The following DGKB variants were observed in gnomAD, a reference collection of about 807,000 sequenced individuals.
DGKB encodes the protein 90 kDa diacylglycerol kinase.
In DGKB, 67 loss-of-function variants were observed where a neutral mutation model predicts 114.3. That is an observed-to-expected ratio of 0.59 (90% CI 0.48 to 0.72). The LOEUF is 0.72. DGKB is among the 30% of genes least tolerant of loss of function. The pLI, the probability that DGKB is intolerant of heterozygous loss-of-function variation, is 0.00. For missense variants in DGKB, 907 were observed against 975.2 expected, an observed-to-expected ratio of 0.93 and a Z score of 0.93; for synonymous variants, 398 against 323.1, an observed-to-expected ratio of 1.23 and a Z score of -2.49.
At chr7:14,226,337 G>T (rs1423281314) in intron 23 of DGKB, among the ~76,000 whole-genome samples, 1 of 151,872 alleles carries the variant, frequency 6.6e-6, no homozygotes, top group Non-Finnish European at 1.5e-5. Context: ...TCTGGCATGT[G>T]CGTGCTAAGA....
intron 13 of DGKB, among the ~76,000 whole-genome samples, chr7:14,665,630 T>G (rs1817900051): frequency 6.6e-6 from 1 of 151,980 alleles, no homozygotes; most frequent in Admixed American, 6.6e-5. Flanking sequence ...TTTGTGATAA[T>G]CTGCTTGATT....
At position 14,147,378 on chromosome 7, in the gene DGKB, C is replaced by A. The variant is rs972063250; in HGVS notation, c.*1753G>T. The A allele has an allele frequency of 4.6e-5, 7 of 152,144 alleles. No homozygotes were observed. The highest frequency in any genetic ancestry group is 1.7e-4 in the African/African-American group (7 of 41,436). 9.4% of individuals were successfully genotyped at this position (152,144 alleles called of 1,614,324 possible). A position where few individuals can be genotyped will look rare whatever the true frequency, so the allele number is the denominator to read the frequency against. On this transcript the variant is annotated 3_prime_UTR_variant, in exon 26 of 26. Transcript: ENST00000402815. ...CTTATTGTTGATTGATATTTACCGT[C>A]CAATGTTCCAGGAACACTAAAAGAA...
intron 22 of DGKB, among the ~76,000 whole-genome samples, chr7:14,339,096 C>T (rs183254690): frequency 3.3e-5 from 5 of 151,986 alleles, no homozygotes; most frequent in African/African-American, 9.6e-5. Flanking sequence ...ATGATTGCCC[C>T]TGTTTAGAAC....
chr7:14,178,421 A>C (rs904224384), intron 23 of DGKB, among the ~76,000 whole-genome samples: 2 of 152,074 alleles, frequency 1.3e-5, no homozygotes, highest in Non-Finnish European at 2.9e-5. Flanking sequence ...AAAAAAAAAA[A>C]AAAAAAACCC....
intron 1 of DGKB, among the ~76,000 whole-genome samples, chr7:14,868,510 A>G (rs1851999786): frequency 1.3e-5 from 2 of 151,736 alleles, no homozygotes; most frequent in African/African-American, 2.4e-5. Flanking sequence ...AATTTTGTGT[A>G]TCTTCAGTAG....
At chr7:14,631,111 G>A (rs966512938) in intron 13 of DGKB, among the ~76,000 whole-genome samples, 1 of 151,556 alleles carries the variant, frequency 6.6e-6, no homozygotes, top group Non-Finnish European at 1.5e-5. Flanking sequence ...AAAAGAAGGA[G>A]GTAGTCAGAA....
Position 14,379,800 on chromosome 7 carries a change from T to G in DGKB, c.1836-34409A>C, listed in dbSNP as rs568539266. On this transcript the variant is annotated intron_variant, in intron 21 of 25. Transcript: ENST00000402815. ...GTCTTGATCTCCTGACCTCGTGATC[T>G]GCCCGCCTCGGCCTCCCAAAGTGTT... 9.9e-4 allele frequency among the ~76,000 whole-genome samples: 151 copies of G among 152,230 alleles called. 1 individual carries two copies. The highest frequency in any genetic ancestry group is 1.8e-3 in the Non-Finnish European group (123 of 68,018).
intron 23 of DGKB, among the ~76,000 whole-genome samples, chr7:14,291,822 T>A (rs1324096553): frequency 1.3e-5 from 2 of 152,148 alleles, no homozygotes; most frequent in African/African-American, 4.8e-5. Context: ...GCGGCAAAGA[T>A]CTTGTTGCCC....
At chr7:14,708,497 G>A (rs577142807) in intron 6 of DGKB, among the ~76,000 whole-genome samples, 13,541 of 149,604 alleles carry the variant, frequency 0.091, 1,286 homozygotes, top group African/African-American at 0.24. Context: ...AAGAGAGACG[G>A]CATCGCCAAG....
intron 1 of DGKB, among the ~76,000 whole-genome samples, chr7:14,847,012 C>T (rs965463039): frequency 2.6e-5 from 4 of 152,094 alleles, no homozygotes; most frequent in South Asian, 2.1e-4. Flanking sequence ...CATACTGGGC[C>T]GGGCGCGGTG....
intron 23 of DGKB, among the ~76,000 whole-genome samples, chr7:14,200,257 G>GA (rs1483608232): frequency 1.3e-5 from 2 of 152,086 alleles, no homozygotes; most frequent in Admixed American, 6.6e-5. Context: ...CCTATACTAT[G>GA]AGGCAGCAAT....
chr7:14,837,401 G>A (rs56284336), intron 2 of DGKB, among the ~76,000 whole-genome samples: 18,749 of 152,134 alleles, frequency 0.12, 1,259 homozygotes, highest in Middle Eastern at 0.17. Flanking sequence ...GAATGATTTG[G>A]TTTTGCTGGA....
intron 5 of DGKB, 172 bp from the exon 6 acceptor site, chr7:14,718,857 G>A (rs1304792685): frequency 5.6e-6 from 3 of 533,312 alleles, no homozygotes; most frequent in Non-Finnish European, 9.8e-6. Flanking sequence ...GCCTACGACT[G>A]TTGTAGATGA....
In DGKB at chr7:14,224,668, T is replaced by A. The variant is rs147783421; in HGVS notation, c.2123-46517A>T. ...CTTGTTTGTTTTGTGACTGTCTGGC[T>A]TATCTTTGTGAATTCTAGTCCACCA... On this transcript the variant is annotated intron_variant, in intron 23 of 25. Transcript: ENST00000402815. Among the ~76,000 whole-genome samples the A allele has an allele frequency of 1.3e-3, 194 of 152,084 alleles. 1 individual carries two copies. The highest frequency in any genetic ancestry group is 4.5e-3 in the African/African-American group (187 of 41,530).
At chr7:14,659,244 T>C (rs1816523660) in intron 13 of DGKB, among the ~76,000 whole-genome samples, 1 of 152,172 alleles carries the variant, frequency 6.6e-6, no homozygotes, top group East Asian at 1.9e-4. Flanking sequence ...ACATATTCAT[T>C]GTTTCACATC....
At chr7:14,248,508 A>ATGTCTTCTTGAATTTCTTTAGT (rs1794786654) in intron 23 of DGKB, among the ~76,000 whole-genome samples, 1 of 152,126 alleles carries the variant, frequency 6.6e-6, no homozygotes, top group Admixed American at 6.5e-5. Context: ...CCATTTATTC[A>ATGTCTTCTTGAATTTCTTTAGT]TGTCTTCTTG....
chr7:14,685,223 C>T (rs1417855718), intron 10 of DGKB, 22 bp downstream of exon 10: 1 of 1,518,854 alleles, frequency 6.6e-7, no homozygotes, highest in Admixed American at 1.7e-5. Context: ...AGATGATGTC[C>T]AGGCAGAGCA....
intron 15 of DGKB, among the ~76,000 whole-genome samples, chr7:14,617,178 C>T (rs566482714): frequency 6.6e-6 from 1 of 151,724 alleles, no homozygotes; most frequent in Non-Finnish European, 1.5e-5. Context: ...TCTGCCTTTT[C>T]TTCTAATTTC....
intron 23 of DGKB, among the ~76,000 whole-genome samples, chr7:14,196,054 T>A (rs1052854601): frequency 1.3e-5 from 2 of 152,132 alleles, no homozygotes; most frequent in Admixed American, 1.3e-4. Context: ...GATTATATCA[T>A]GACGTCTGGT....
Sources: allele counts gnomAD v4.1 joint callset (sites outside exome capture counted in the v4.1 genomes callset), GRCh38; gene constraint gnomAD v4.1.1; transcripts MANE v1.5; gene names NCBI Gene and HGNC (gene_info 2026-07-23, HGNC 2026-07-21).